Variants in GLI3 observed in about 807,000 individuals in gnomAD.
The protein encoded by GLI3 is transcription activator GLI3.
GLI3 carries 20 observed loss-of-function variants against 100.8 expected under a neutral mutation model. The observed-to-expected ratio is 0.20, with a 90% CI of 0.14 to 0.29. GLI3 has a LOEUF of 0.29. Ranked by LOEUF, GLI3 falls within the 10% of genes least tolerant of loss-of-function variation. GLI3 has a pLI of 1.00. For synonymous variants in GLI3, 938 were observed against 860.5 expected (o/e 1.09, Z -1.58); for missense variants, 2,040 against 2,128.5 (o/e 0.96, Z 0.82).
intron 3 of GLI3, among the ~76,000 whole-genome samples, chr7:42,098,382 G>A (rs1785387278): frequency 6.6e-6 from 1 of 152,032 alleles, no homozygotes; most frequent in Non-Finnish European, 1.5e-5. Flanking sequence ...AAACCTCAGG[G>A]GCCTTCCCTC....
At chr7:42,094,728 T>C (rs144441993) in intron 3 of GLI3, among the ~76,000 whole-genome samples, 2,899 of 138,466 alleles carry the variant, frequency 0.021, 49 homozygotes, top group Middle Eastern at 0.04. Context: ...AGTGAGACTC[T>C]GTGTCAAAAA....
chr7:42,089,675 C>T (rs556315489), intron 3 of GLI3, among the ~76,000 whole-genome samples: 4 of 152,282 alleles, frequency 2.6e-5, no homozygotes, highest in African/African-American at 9.6e-5. Context: ...AAAGGCTCCC[C>T]CATTTAAAGA....
chr7:41,978,312 C>T (rs1207209813), intron 11 of GLI3, among the ~76,000 whole-genome samples: 3 of 152,184 alleles, frequency 2.0e-5, no homozygotes, highest in Non-Finnish European at 2.9e-5. Flanking sequence ...CTGGCACTTC[C>T]CTTTGCCTTC....
chr7:42,221,836 A>T (rs1039642342), intron 2 of GLI3, among the ~76,000 whole-genome samples: 2 of 152,264 alleles, frequency 1.3e-5, no homozygotes, highest in African/African-American at 4.8e-5. Flanking sequence ...CTCAATTAAA[A>T]TAAGCTCCAG....
chr7:41,992,016 T>G (rs1562674201), intron 10 of GLI3, among the ~76,000 whole-genome samples: 1 of 152,074 alleles, frequency 6.6e-6, no homozygotes, highest in Non-Finnish European at 1.5e-5. Flanking sequence ...TAAGGGGAGT[T>G]GAGTGCCCTA....
In GLI3 at chr7:41,967,689, G is replaced by A. The variant is rs2128706947; in HGVS notation, c.2338C>T (p.Leu780=). 6.2e-7 allele frequency: 1 copy of A among 1,614,174 alleles called. No homozygotes were observed. Among genetic ancestry groups the A allele is most frequent in the Non-Finnish European group, 8.5e-7 (1 of 1,180,020 alleles). Residue 780 remains leucine (L), a synonymous_variant, in exon 14 of 15, where the codon CTA becomes TTA. Coordinates refer to ENST00000395925, the MANE Select transcript of GLI3 (RefSeq NM_000168.6). ...AGTKWMEHVK[L]ERLKQVNGMF... ...CCATTCACTTGTTTTAGCCTTTCTA[G>A]TTTTACGTGCTCCATCCATTTGGTC... is the stretch of plus-strand genomic sequence containing the variant.
chr7:42,162,558 G>C (rs1787150563), intron 2 of GLI3, among the ~76,000 whole-genome samples: 1 of 152,138 alleles, frequency 6.6e-6, no homozygotes, highest in South Asian at 2.1e-4. Flanking sequence ...CATTGTCTGG[G>C]CCAGTTCTAC....
At chr7:42,115,442 T>C (rs1785829736) in intron 3 of GLI3, among the ~76,000 whole-genome samples, 1 of 152,164 alleles carries the variant, frequency 6.6e-6, no homozygotes, top group African/African-American at 2.4e-5. Context: ...CCCAGCCCAT[T>C]TTCCTACATT....
chr7:42,233,312 T>C (rs567331736), intron 1 of GLI3, among the ~76,000 whole-genome samples: 1 of 152,224 alleles, frequency 6.6e-6, no homozygotes, highest in Non-Finnish European at 1.5e-5. Flanking sequence ...CTCATAAAAC[T>C]GTTGCTGGAG....
chr7:42,224,097 C>A (rs1469756163), intron 1 of GLI3, among the ~76,000 whole-genome samples: 1 of 152,174 alleles, frequency 6.6e-6, no homozygotes, highest in Non-Finnish European at 1.5e-5. Flanking sequence ...ATGTGATAAT[C>A]GCCCTAACTC....
intron 1 of GLI3, among the ~76,000 whole-genome samples, chr7:42,229,351 G>A (rs1288977239): frequency 6.6e-6 from 1 of 152,194 alleles, no homozygotes; most frequent in East Asian, 1.9e-4. Flanking sequence ...CTGGCAATAA[G>A]AGATCAGAAA....
At chr7:41,978,200 C>T (rs957916232) in intron 11 of GLI3, among the ~76,000 whole-genome samples, 5 of 152,202 alleles carry the variant, frequency 3.3e-5, no homozygotes, top group Non-Finnish European at 5.9e-5. Context: ...CCATTCCATA[C>T]GCCTATGCCT....
At chr7:42,041,408 G>A (rs938879459) in intron 6 of GLI3, among the ~76,000 whole-genome samples, 1 of 152,156 alleles carries the variant, frequency 6.6e-6, no homozygotes, top group African/African-American at 2.4e-5. Flanking sequence ...GATGAATGTG[G>A]CCCACAGGTC....
intron 10 of GLI3, among the ~76,000 whole-genome samples, chr7:41,986,371 A>G (rs1171783620): frequency 6.6e-6 from 1 of 152,176 alleles, no homozygotes; most frequent in Non-Finnish European, 1.5e-5. Flanking sequence ...GGATCTGAAG[A>G]AGAGAAATGA....
At chr7:42,245,694 A>AAAAAC (rs564035851) in intron 1 of GLI3, among the ~76,000 whole-genome samples, 34 of 152,134 alleles carry the variant, frequency 2.2e-4, no homozygotes, top group African/African-American at 6.5e-4. Flanking sequence ...AAACAAAAAC[A>AAAAAC]AAAACAAAAC....
chr7:42,051,672 T>C (rs184960347), intron 4 of GLI3, among the ~76,000 whole-genome samples: 1 of 152,336 alleles, frequency 6.6e-6, no homozygotes, highest in African/African-American at 2.4e-5. Flanking sequence ...GACATTCTTT[T>C]TGTTAGCAGA....
intron 4 of GLI3, among the ~76,000 whole-genome samples, chr7:42,066,752 G>C (rs1784683510): frequency 6.6e-6 from 1 of 152,206 alleles, no homozygotes; most frequent in Admixed American, 6.5e-5. Context: ...CACAGCTCCA[G>C]CCTCACTCTT....
chr7:42,027,516 A>G (rs1433954011), intron 7 of GLI3, among the ~76,000 whole-genome samples: 2 of 152,236 alleles, frequency 1.3e-5, no homozygotes, highest in African/African-American at 4.8e-5. Context: ...AGCGCATTAA[A>G]GGAGAATAAA....
intron 5 of GLI3, among the ~76,000 whole-genome samples, chr7:42,046,210 AAGC>A (rs1162523896): frequency 6.6e-6 from 1 of 152,200 alleles, no homozygotes; most frequent in Non-Finnish European, 1.5e-5. Flanking sequence ...TTTCGTGCAA[AAGC>A]AGCAAGACAT....
Sources: allele counts gnomAD v4.1 joint callset (sites outside exome capture counted in the v4.1 genomes callset), GRCh38; gene constraint gnomAD v4.1.1; transcripts MANE v1.5; gene names NCBI Gene and HGNC (gene_info 2026-07-23, HGNC 2026-07-21).